The following DGKH variants were observed in gnomAD, a reference collection of about 807,000 sequenced individuals.
DGKH encodes the protein DAG kinase eta.
Under a neutral mutation model 159.3 loss-of-function variants are expected in DGKH, and 90 were observed. The observed-to-expected ratio is 0.57, with a 90% confidence interval of 0.48 to 0.67. DGKH has a LOEUF of 0.67. Among genes scored for constraint, DGKH ranks in the 30% least tolerant of loss-of-function variants. DGKH has a pLI of 0.00. For missense variants in DGKH, 1,181 were observed against 1,506.1 expected, an observed-to-expected ratio of 0.78 and a Z score of 3.57; for synonymous variants, 536 against 553.8, an observed-to-expected ratio of 0.97 and a Z score of 0.45.
chr13:42,115,821 A>G (rs1954956101), intron 1 of DGKH, among the ~76,000 whole-genome samples: 2 of 152,274 alleles, frequency 1.3e-5, no homozygotes, highest in East Asian at 1.9e-4. Flanking sequence ...TTTCAGAGAT[A>G]ATTTTGTCCA....
At chr13:42,251,419 ATATT>A (rs1041798564) in intron 29 of DGKH, among the ~76,000 whole-genome samples, 1 of 152,192 alleles carries the variant, frequency 6.6e-6, no homozygotes, top group Non-Finnish European at 1.5e-5. Context: ...AAAAATACAT[ATATT>A]TATTTATTTA....
intron 11 of DGKH, among the ~76,000 whole-genome samples, chr13:42,171,340 A>G (rs981099603): frequency 5.9e-5 from 9 of 151,554 alleles, no homozygotes; most frequent in Non-Finnish European, 1.0e-4. Context: ...TCCTTTCTCA[A>G]CTCTGCACTC....
intron 2 of DGKH, 33 bp downstream of exon 2, chr13:42,127,606 G>A: frequency 6.3e-7 from 1 of 1,580,262 alleles, no homozygotes; most frequent in Middle Eastern, 1.7e-4. Flanking sequence ...TCAAGCAATT[G>A]AGGCTATGGA....
intron 1 of DGKH, among the ~76,000 whole-genome samples, chr13:42,087,573 G>A (rs1402829474): frequency 6.6e-6 from 1 of 152,092 alleles, no homozygotes; most frequent in East Asian, 1.9e-4. Flanking sequence ...ATGAACACAA[G>A]AGGATTCATA....
intron 1 of DGKH, among the ~76,000 whole-genome samples, chr13:42,118,714 G>A (rs535672609): frequency 1.3e-5 from 2 of 152,332 alleles, no homozygotes; most frequent in East Asian, 3.9e-4. Flanking sequence ...TAGGGCAGAG[G>A]AAGGAGCTTA....
At chr13:42,147,652 A>C (rs1179624997) in intron 3 of DGKH, among the ~76,000 whole-genome samples, 1 of 152,228 alleles carries the variant, frequency 6.6e-6, no homozygotes, top group Non-Finnish European at 1.5e-5. Context: ...TAAAACATTT[A>C]ATGTGTCCAT....
At chr13:42,155,587 A>G in intron 4 of DGKH, 80 bp from the exon 5 acceptor site, 1 of 1,594,782 alleles carries the variant, frequency 6.3e-7, no homozygotes, top group African/African-American at 1.3e-5. Context: ...TTTGACCATA[A>G]CTATATGCAT....
At position 42,200,983 on chromosome 13, in the gene DGKH, T is replaced by TTTTA. The variant is rs149544122; in HGVS notation, c.2493+1094_2493+1097dup. Among the ~76,000 whole-genome samples, 1,418 of 151,070 alleles carry TTTTA rather than the reference T, an allele frequency of 9.4e-3. 18 individuals are homozygous for TTTTA. The highest frequency in any genetic ancestry group is 0.092 in the Middle Eastern group (27 of 294). On this transcript the variant is annotated intron_variant, in intron 20 of 29. Coordinates refer to ENST00000337343, the MANE Select transcript of DGKH (RefSeq NM_178009.5). Reference sequence around the variant, plus strand: ...CATGTACCCCGGTTGGCCACATTCTTTTTATTTATTTATTTATTTATTTTT... The same window carrying TTTTA: ...CATGTACCCCGGTTGGCCACATTCTTTTTATTTATTTATTTATTTATTTATTTTT...
At chr13:42,221,026 T>G (rs1365997879) in intron 28 of DGKH, 1 of 375,782 alleles carries the variant, frequency 2.7e-6, no homozygotes, top group Non-Finnish European at 4.8e-6. Context: ...GAAACTGGAC[T>G]AAAGCTAAGC....
chr13:42,160,248 G>A (rs1257794669), intron 7 of DGKH, 112 bp downstream of exon 7: 3 of 1,409,268 alleles, frequency 2.1e-6, no homozygotes, highest in Admixed American at 1.7e-5. Flanking sequence ...GAACCTGGTA[G>A]CATACGCATC....
chr13:42,256,053 C>A, intron 30 of DGKH: 2 of 1,403,608 alleles, frequency 1.4e-6, no homozygotes, highest in Non-Finnish European at 2.0e-6. Flanking sequence ...GGCCCTTGGT[C>A]AGGTCTGGGA....
intron 1 of DGKH, among the ~76,000 whole-genome samples, chr13:42,122,057 G>C (rs568878956): frequency 3.3e-5 from 5 of 152,164 alleles, no homozygotes; most frequent in African/African-American, 1.2e-4. Flanking sequence ...TTAGGTTCTT[G>C]ATGAGGGACA....
chr13:42,129,445 T>C, intron 2 of DGKH, 107 bp from the exon 3 acceptor site: 1 of 959,620 alleles, frequency 1.0e-6, no homozygotes, highest in Non-Finnish European at 1.5e-6. Context: ...CCAACTTAAC[T>C]TTTTTCCCCC....
At chr13:42,158,630 A>C (rs1474366422) in intron 5 of DGKH, among the ~76,000 whole-genome samples, 1 of 152,080 alleles carries the variant, frequency 6.6e-6, no homozygotes, top group Non-Finnish European at 1.5e-5. Flanking sequence ...TCACTTCATC[A>C]TCCCTTCTTT....
rs534480233 is a variant in DGKH, at chr13:42,189,127, T to C, written c.1730T>C (p.Leu577Pro). 6.2e-7 allele frequency: 1 copy of C among 1,614,262 alleles called. No individual in the cohort carries two copies. The highest frequency in any genetic ancestry group is 1.7e-5 in the Admixed American group (1 of 60,036). The change falls in exon 15 of 30, where the codon CTC becomes CCC. Residue 577 changes from leucine (L) to proline (P), a missense_variant. Transcript: ENST00000337343. ...AAPVLPGLSP[L>P]IVEEDAVESS... ...CCTGTTCTCCCTGGCCTCAGCCCTC[T>C]CATTGTGGAAGAAGATGCTGTGGAA...
chr13:42,225,458 C>A, intron 29 of DGKH: 1 of 920,824 alleles, frequency 1.1e-6, no homozygotes, highest in Non-Finnish European at 1.6e-6. Flanking sequence ...ACTGTTTATC[C>A]AGGGAAAGAG....
chr13:42,057,707 C>T (rs1287393445), intron 1 of DGKH, among the ~76,000 whole-genome samples: 1 of 152,150 alleles, frequency 6.6e-6, no homozygotes, highest in African/African-American at 2.4e-5. Context: ...CAAAAATATA[C>T]AAAAACCTCT....
intron 13 of DGKH, among the ~76,000 whole-genome samples, chr13:42,180,248 G>A (rs1025000156): frequency 6.6e-6 from 1 of 152,210 alleles, no homozygotes; most frequent in African/African-American, 2.4e-5. Flanking sequence ...GAGTGCTAAA[G>A]CCTGGGACAA....
chr13:42,157,835 A>T (rs193178003), intron 5 of DGKH, among the ~76,000 whole-genome samples: 1 of 152,298 alleles, frequency 6.6e-6, no homozygotes, highest in East Asian at 1.9e-4. Context: ...GGCTCATTGC[A>T]ACCTCTGCCT....
Sources: gnomAD v4.1 joint callset for allele counts (sites outside exome capture counted in the v4.1 genomes callset) on GRCh38, gnomAD v4.1.1 for gene constraint, MANE v1.5 for transcripts, NCBI Gene and HGNC (gene_info 2026-07-23, HGNC 2026-07-21) for gene names.